Variants in CNTNAP5 observed in about 807,000 individuals in gnomAD.
CNTNAP5 encodes the protein contactin associated protein family member 5, also known as contactin-associated protein-like 5.
A neutral mutation model predicts 150.2 loss-of-function variants in CNTNAP5; 72 were observed. The ratio of observed to expected loss-of-function variants is 0.48; its 90% CI spans 0.40 to 0.58. The LOEUF (loss-of-function observed/expected upper bound fraction) is 0.58. CNTNAP5 is among the 20% of genes least tolerant of loss of function. CNTNAP5 has a pLI of 0.00. For synonymous variants in CNTNAP5, 672 were observed against 619.8 expected (o/e 1.08, Z -1.25); for missense variants, 1,636 against 1,626.2 (o/e 1.01, Z -0.10).
chr2:124,651,194 A>G (rs1678314595), intron 13 of CNTNAP5, among the ~76,000 whole-genome samples: 1 of 152,228 alleles, frequency 6.6e-6, no homozygotes, highest in Non-Finnish European at 1.5e-5. Context: ...GCTGATTACC[A>G]TAGCCTACTG....
At chr2:124,536,004 G>A (rs1055394937) in intron 10 of CNTNAP5, among the ~76,000 whole-genome samples, 6 of 152,058 alleles carry the variant, frequency 3.9e-5, no homozygotes, top group African/African-American at 9.7e-5. Context: ...TACATTGCGC[G>A]GTAATACATA....
chr2:124,732,184 A>C (rs1319384267), intron 13 of CNTNAP5, among the ~76,000 whole-genome samples: 1 of 152,128 alleles, frequency 6.6e-6, no homozygotes, highest in Admixed American at 6.6e-5. Context: ...TCAAGATAAA[A>C]TGTTGATAGA....
At chr2:124,461,910 G>T (rs904542425) in intron 6 of CNTNAP5, among the ~76,000 whole-genome samples, 1 of 147,766 alleles carries the variant, frequency 6.8e-6, no homozygotes, top group Non-Finnish European at 1.5e-5. Flanking sequence ...TATCCTTCAA[G>T]TTTTAAAAAC....
In CNTNAP5 at chr2:124,655,944, AG is replaced by A. The variant is rs202064928; in HGVS notation, c.2077+7987del. 5.9e-3 allele frequency among the ~76,000 whole-genome samples: 658 copies of A among 111,446 alleles called. 2 individuals are homozygous for A. Among genetic ancestry groups the A allele is most frequent in the Non-Finnish European group, 7.7e-3 (418 of 54,438 alleles). The allele number at this position is 111,446 out of a possible 152,430, so 73.1% of individuals were successfully genotyped here. A position where few individuals can be genotyped will look rare whatever the true frequency, so the allele number is the denominator to read the frequency against. On this transcript the variant is annotated intron_variant, in intron 13 of 23. Transcript: ENST00000682447. ...CAGAAAGAGAGAGAGAGAGAGAGAG[AG>A]AGAAAGAAAGAAAGAAAGAAAGAAA...
chr2:124,322,331 C>T lies in CNTNAP5; in HGVS notation c.381+79938C>T, dbSNP rs1427101289. Among the ~76,000 whole-genome samples, 3 of 152,236 alleles carry T rather than the reference C, an allele frequency of 2.0e-5. No individual in the cohort carries two copies. In the East Asian group the frequency reaches 5.8e-4, roughly 29 times the overall value. On this transcript the variant is annotated intron_variant, in intron 3 of 23. Transcript: ENST00000682447. ...TTGTCAGGGCTTGGCACCTGCAGCA[C>T]AGGTTAGAGATTGCATTCATTCCCA...
rs372301518 is a variant in CNTNAP5, at chr2:124,732,336, G to C, written c.2078-14893G>C. ...CAATAAAATTCTGTCATATTCCTAT[G>C]GTATGAATATTTTTATTCCTCCAAA... On this transcript the variant is annotated intron_variant, in intron 13 of 23. Coordinates refer to ENST00000682447, the MANE Select transcript of CNTNAP5 (RefSeq NM_001367498.1). 7.9e-5 allele frequency among the ~76,000 whole-genome samples: 12 copies of C among 152,052 alleles called. No homozygotes were observed. The East Asian group carries it at 2.1e-3, about 27-fold the overall frequency.
intron 3 of CNTNAP5, among the ~76,000 whole-genome samples, chr2:124,271,606 A>C (rs1336437162): frequency 6.6e-6 from 1 of 152,060 alleles, no homozygotes; most frequent in African/African-American, 2.4e-5. Context: ...CATCAGAAAA[A>C]CTTTGGCTTG....
intron 1 of CNTNAP5, among the ~76,000 whole-genome samples, chr2:124,038,767 G>A (rs1313947592): frequency 6.6e-6 from 1 of 152,200 alleles, no homozygotes; most frequent in Admixed American, 6.5e-5. Context: ...ACCGTGTGAA[G>A]ACTTCTGCCT....
chr2:124,129,328 A>T (rs1442983155), intron 1 of CNTNAP5, among the ~76,000 whole-genome samples: 2 of 152,188 alleles, frequency 1.3e-5, no homozygotes, highest in Non-Finnish European at 2.9e-5. Flanking sequence ...CAGTTCTCTA[A>T]AGCCAGTGGG....
chr2:124,083,748 T>C (rs1682614739), intron 1 of CNTNAP5, among the ~76,000 whole-genome samples: 1 of 152,088 alleles, frequency 6.6e-6, no homozygotes, highest in South Asian at 2.1e-4. Context: ...ATCCTTTTAT[T>C]TTTTCTTCCT....
At chr2:124,040,670 T>A (rs568313161) in intron 1 of CNTNAP5, among the ~76,000 whole-genome samples, 5 of 147,448 alleles carry the variant, frequency 3.4e-5, no homozygotes, top group Non-Finnish European at 7.6e-5. Flanking sequence ...AGTGCTTACT[T>A]CTTTACTGGC....
chr2:124,493,485 C>T (rs1422139675), intron 7 of CNTNAP5, among the ~76,000 whole-genome samples: 2 of 151,840 alleles, frequency 1.3e-5, no homozygotes, highest in African/African-American at 4.8e-5. Context: ...GGACTACAGG[C>T]GTTTGCCTCC....
At chr2:124,492,955 A>T (rs1038338137) in intron 7 of CNTNAP5, among the ~76,000 whole-genome samples, 2 of 152,042 alleles carry the variant, frequency 1.3e-5, no homozygotes, top group Non-Finnish European at 2.9e-5. Flanking sequence ...TTTTTTAATA[A>T]TTTTACTTTT....
chr2:124,772,522 C>A (rs781317242), intron 16 of CNTNAP5, among the ~76,000 whole-genome samples: 1 of 152,072 alleles, frequency 6.6e-6, no homozygotes, highest in Non-Finnish European at 1.5e-5. Flanking sequence ...TCCAGGGCCT[C>A]GGCATTCATG....
At chr2:124,867,687 C>G (rs1472530794) in intron 20 of CNTNAP5, among the ~76,000 whole-genome samples, 1 of 129,686 alleles carries the variant, frequency 7.7e-6, no homozygotes, top group African/African-American at 2.9e-5. Context: ...CCCAAGGACT[C>G]CAGCTTCTGC....
chr2:124,777,191 C>A (rs966164235), intron 17 of CNTNAP5, among the ~76,000 whole-genome samples: 1 of 151,634 alleles, frequency 6.6e-6, no homozygotes, highest in African/African-American at 2.4e-5. Context: ...GTCCCTAGCA[C>A]CAGTGATCCA....
intron 5 of CNTNAP5, among the ~76,000 whole-genome samples, chr2:124,442,709 A>G (rs1259303789): frequency 6.6e-6 from 1 of 152,250 alleles, no homozygotes; most frequent in Admixed American, 6.5e-5. Flanking sequence ...GGTGAATTTA[A>G]AAAAATCAAT....
Position 124,563,267 on chromosome 2 carries a change from C to T in CNTNAP5, c.1700C>T (p.Thr567Ile), listed in dbSNP as rs750659694. Residue 567 changes from threonine (T) to isoleucine (I), a missense_variant, in exon 11 of 24, where the codon ACT (threonine) becomes ATT (isoleucine). Coordinates refer to ENST00000682447, the MANE Select transcript of CNTNAP5 (RefSeq NM_001367498.1). ...GGAGGAAGCTGCTCCCAGTCCTGGA[C>T]TACCTTCTATTGTAACTGCAGTGAC... ...EHGGSCSQSW[T>I]TFYCNCSDTS... The T allele has an allele frequency of 1.9e-6, 3 of 1,591,032 alleles. No homozygotes were observed. The highest frequency in any genetic ancestry group is 2.3e-5 in the East Asian group (1 of 44,232).
At chr2:124,769,890 T>C (rs1460186375) in intron 16 of CNTNAP5, among the ~76,000 whole-genome samples, 2 of 152,124 alleles carry the variant, frequency 1.3e-5, no homozygotes, top group Non-Finnish European at 2.9e-5. Context: ...CCCTGTCTCA[T>C]AAAGTTGTAG....
Sources: allele counts gnomAD v4.1 joint callset (sites outside exome capture counted in the v4.1 genomes callset), GRCh38; gene constraint gnomAD v4.1.1; transcripts MANE v1.5; gene names NCBI Gene and HGNC (gene_info 2026-07-23, HGNC 2026-07-21).